Variants in PHKA2 observed in about 807,000 individuals in gnomAD.
PHKA2 encodes phosphorylase b kinase regulatory subunit alpha, liver isoform.
Under a neutral mutation model 102.0 loss-of-function variants are expected in PHKA2, and 31 were observed. The ratio of observed to expected loss-of-function variants is 0.30; its 90% CI spans 0.23 to 0.41. The LOEUF (loss-of-function observed/expected upper bound fraction) is 0.41. PHKA2 is among the 10% of genes least tolerant of loss of function. PHKA2 has a pLI of 1.00. For synonymous variants in PHKA2, 455 were observed against 416.2 expected (o/e 1.09, Z -1.13); for missense variants, 858 against 1,023.1 (o/e 0.84, Z 2.20).
At chrX:18,924,178 T>C (rs768237490) in intron 16 of PHKA2, 44 bp from the exon 17 acceptor site, 4 of 1,040,178 alleles carry the variant, frequency 3.8e-6, no homozygotes, top group Non-Finnish European at 5.4e-6. Context: ...GGGCAGACTT[T>C]TTTTCCGTTA....
chrX:18,903,613 G>A (rs1164553291), intron 26 of PHKA2, among the ~76,000 whole-genome samples: 2 of 112,459 alleles, frequency 1.8e-5, no homozygotes, highest in Non-Finnish European at 1.9e-5. Context: ...GGTGGCAGCT[G>A]GAGAAGGGCC....
intron 1 of PHKA2, among the ~76,000 whole-genome samples, chrX:18,982,950 T>C (rs988165787): frequency 8.9e-6 from 1 of 112,231 alleles, no homozygotes; most frequent in Non-Finnish European, 1.9e-5. Context: ...CTTTGTAGAG[T>C]GCTTTGCATA....
In PHKA2 at chrX:18,936,784, C is replaced by T. The variant is rs765666106; in HGVS notation, c.1042-634G>A. 1.2e-3 allele frequency among the ~76,000 whole-genome samples: 134 copies of T among 112,028 alleles called. 1 individual carries two copies. The highest frequency in any genetic ancestry group is 3.8e-3 in the African/African-American group (118 of 30,863). On this transcript the variant is annotated intron_variant, in intron 10 of 32. Coordinates refer to ENST00000379942, the MANE Select transcript of PHKA2 (RefSeq NM_000292.3). The stretch of plus-strand genomic sequence containing the variant: ...CCACATGTTCTCACTCATGTGTGGG[C>T]GCTAAAAAAGTTGACCCCATATTAA...
intron 1 of PHKA2, among the ~76,000 whole-genome samples, chrX:18,970,510 C>T (rs952738594): frequency 6.2e-5 from 7 of 112,149 alleles, no homozygotes; most frequent in Non-Finnish European, 1.3e-4. Flanking sequence ...ATATAGTATT[C>T]CAGTGTAGCT....
At chrX:18,947,508 T>C (rs1026586149) in intron 5 of PHKA2, among the ~76,000 whole-genome samples, 3 of 112,350 alleles carry the variant, frequency 2.7e-5, no homozygotes, top group Non-Finnish European at 5.6e-5. Flanking sequence ...GCTCATGGCA[T>C]CCCAGCTCCC....
At chrX:18,899,127 G>A (rs747324634) in intron 29 of PHKA2, 46 bp downstream of exon 29, 3 of 1,091,151 alleles carry the variant, frequency 2.7e-6, no homozygotes, top group Non-Finnish European at 3.8e-6. Flanking sequence ...GAGGAAGGAC[G>A]CGAGGAGGAG....
chrX:18,955,353 G>A (rs1788796050), intron 1 of PHKA2, among the ~76,000 whole-genome samples: 1 of 108,085 alleles, frequency 9.3e-6, no homozygotes, highest in Non-Finnish European at 1.9e-5. Context: ...GGTAGAATCT[G>A]GAAGTCAGTG....
At chrX:18,971,046 C>T (rs2049011458) in intron 1 of PHKA2, among the ~76,000 whole-genome samples, 1 of 112,638 alleles carries the variant, frequency 8.9e-6, no homozygotes, top group African/African-American at 3.2e-5. Flanking sequence ...CCACTGGTAG[C>T]CCAGGTATCT....
At chrX:18,911,796 G>T (rs1447462578) in intron 19 of PHKA2, among the ~76,000 whole-genome samples, 1 of 112,349 alleles carries the variant, frequency 8.9e-6, no homozygotes, top group Non-Finnish European at 1.9e-5. Context: ...TTCCCTCCTG[G>T]AATTCAGGAA....
At chrX:18,965,465 A>T (rs1322791628) in intron 1 of PHKA2, among the ~76,000 whole-genome samples, 1 of 111,276 alleles carries the variant, frequency 9.0e-6, no homozygotes, top group African/African-American at 3.3e-5. Context: ...TTTTATTCCA[A>T]ATGTTTCAGG....
chrX:18,966,808 A>T (rs1481070364), intron 1 of PHKA2, among the ~76,000 whole-genome samples: 1 of 111,942 alleles, frequency 8.9e-6, no homozygotes, highest in Non-Finnish European at 1.9e-5. Flanking sequence ...GTGCTGCCCG[A>T]AATGCTGGAG....
intron 11 of PHKA2, among the ~76,000 whole-genome samples, chrX:18,934,645 T>C (rs932878516): frequency 8.9e-5 from 10 of 112,927 alleles, no homozygotes; most frequent in Admixed American, 7.5e-4. Context: ...TAGTTCCTTT[T>C]AGATGAAAAT....
At chrX:18,906,946 C>A (rs2047827809) in intron 23 of PHKA2, 72 bp downstream of exon 23, 1 of 1,042,088 alleles carries the variant, frequency 9.6e-7, no homozygotes, top group Non-Finnish European at 1.3e-6. Context: ...AGCCCCTCCT[C>A]CGAACACTGG....
chrX:18,974,199 A>G (rs1197710458), intron 1 of PHKA2, among the ~76,000 whole-genome samples: 1 of 110,411 alleles, frequency 9.1e-6, no homozygotes, highest in Admixed American at 9.8e-5. Context: ...ATAATTTCTC[A>G]TATTTAAAAA....
Position 18,983,884 on chromosome X carries a change from G to A in PHKA2, c.49C>T (p.Leu17=), listed in dbSNP as rs1378986061. 1.1e-5 allele frequency: 13 copies of A among 1,210,341 alleles called. No individual in the cohort carries two copies. The highest frequency in any genetic ancestry group is 1.5e-5 in the Non-Finnish European group (13 of 894,791). The change falls in exon 1 of 33, where the codon CTG becomes TTG. Residue 17 remains leucine (L), a synonymous_variant. Coordinates refer to ENST00000379942, the MANE Select transcript of PHKA2 (RefSeq NM_000292.3). ...SGVRLDGYAR[L]VQQTILCYQN... ...TAACACAGGATGGTTTGCTGCACCAGCCGCGCGTACCCGTCCAAGCGGACC... is the reference window on the plus strand; with the variant it reads ...TAACACAGGATGGTTTGCTGCACCAACCGCGCGTACCCGTCCAAGCGGACC...
chrX:18,916,088 C>T (rs1264592850), intron 19 of PHKA2, among the ~76,000 whole-genome samples: 1 of 111,909 alleles, frequency 8.9e-6, no homozygotes, highest in Non-Finnish European at 1.9e-5. Flanking sequence ...TAAACACTTT[C>T]AAAGAGAAAA....
rs2147897040 is a variant in PHKA2 at position 18,920,067 on chromosome X, T to A, written c.1928A>T (p.Asp643Val). 1 of 1,202,068 alleles carries A rather than the reference T, an allele frequency of 8.3e-7. No individual in the cohort carries two copies. Among genetic ancestry groups the A allele is most frequent in the South Asian group, 1.8e-5 (1 of 56,669 alleles). Residue 643 changes from aspartate (D) to valine (V), a missense_variant, in exon 18 of 33, where the codon GAT becomes GTT. This residue lies in a region of PHKA2 where 671 missense variants were observed against 745.2 expected (regional missense o/e 0.90). Coordinates refer to ENST00000379942, the MANE Select transcript of PHKA2 (RefSeq NM_000292.3). ...EGTFSPDSDS[D>V]LVGYLEDTCN... ...GGTGTCTTCCAGATATCCTACCAAA[T>A]CTGAATCACTATCAGGACTGAAAGT...
chrX:18,929,196 G>A (rs2048270052), intron 13 of PHKA2, 32 bp downstream of exon 13: 1 of 990,725 alleles, frequency 1.0e-6, no homozygotes, highest in Non-Finnish European at 1.4e-6. Flanking sequence ...GTTTTACAAA[G>A]TTAAATATGA....
At chrX:18,982,281 G>A (rs183839141) in intron 1 of PHKA2, among the ~76,000 whole-genome samples, 110 of 111,666 alleles carry the variant, frequency 9.9e-4, no homozygotes, top group Non-Finnish European at 1.6e-3. Context: ...AAAATTTAAA[G>A]TGTTTTCGTA....
Sources: allele counts gnomAD v4.1 joint callset (sites outside exome capture counted in the v4.1 genomes callset), GRCh38; gene constraint gnomAD v4.1.1; regional missense constraint gnomAD v4.1.1; transcripts MANE v1.5; gene names NCBI Gene and HGNC (gene_info 2026-07-23, HGNC 2026-07-21).